Variants in CCDC150 observed in about 807,000 individuals in gnomAD.
CCDC150 encodes coiled-coil domain-containing protein 150.
A neutral mutation model predicts 156.5 loss-of-function variants in CCDC150; 151 were observed. The observed-to-expected ratio is 0.97, with a 90% CI of 0.85 to 1.10. CCDC150 has a LOEUF of 1.10. CCDC150 is among the 50% of genes least tolerant of loss of function. The pLI, the probability that CCDC150 is intolerant of heterozygous loss-of-function variation, is 0.00. For synonymous variants in CCDC150, 452 were observed against 429.4 expected, an observed-to-expected ratio of 1.05 and a Z score of -0.65; for missense variants, 1,312 against 1,268.1, an observed-to-expected ratio of 1.03 and a Z score of -0.53.
chr2:196,645,302 G>A (rs1252434155), intron 1 of CCDC150, among the ~76,000 whole-genome samples: 2 of 152,042 alleles, frequency 1.3e-5, no homozygotes, highest in Non-Finnish European at 2.9e-5. Flanking sequence ...TCTTGCCCTG[G>A]GTCCCAGGAC....
rs1382583495 is a variant in CCDC150, at chr2:196,666,773, C to G, written c.817C>G (p.Gln273Glu). The change falls in exon 7 of 28, where the codon CAA becomes GAA. Residue 273 changes from glutamine (Q) to glutamate (E), a missense_variant. Physicochemically the swap from Gln to Glu is conservative, Grantham distance 29. Coordinates refer to ENST00000389175, the MANE Select transcript of CCDC150 (RefSeq NM_001080539.2). Reference sequence around the variant, plus strand: ...TCTACGTGATTCTATACAGAGCGCTCAAGAACTACTGGCCCAGGAACAAAA... The same window carrying G: ...TCTACGTGATTCTATACAGAGCGCTGAAGAACTACTGGCCCAGGAACAAAA... ...IALRDSIQSAQELLAQEQKKK... is the reference protein window; with the variant it reads ...IALRDSIQSAEELLAQEQKKK... 1.2e-6 allele frequency: 2 copies of G among 1,612,508 alleles called. No homozygotes were observed. The highest frequency in any genetic ancestry group is 1.1e-5 in the South Asian group (1 of 91,006).
chr2:196,665,811 A>G (rs1693811584), intron 6 of CCDC150, 128 bp downstream of exon 6: 1 of 533,536 alleles, frequency 1.9e-6, no homozygotes, highest in Non-Finnish European at 3.3e-6. Context: ...TTTGTTAGCA[A>G]TATGTTAACA....
chr2:196,659,900 A>G (rs1464801413), intron 5 of CCDC150, among the ~76,000 whole-genome samples: 1 of 152,192 alleles, frequency 6.6e-6, no homozygotes, highest in African/African-American at 2.4e-5. Flanking sequence ...ACAAATGCAT[A>G]ATGCCATGTA....
intron 6 of CCDC150, 77 bp from the exon 7 acceptor site, chr2:196,666,642 C>T (rs1693855536): frequency 4.9e-6 from 6 of 1,227,472 alleles, no homozygotes; most frequent in African/African-American, 1.5e-5. Flanking sequence ...TGGAATGTTG[C>T]CTTATACATG....
intron 6 of CCDC150, among the ~76,000 whole-genome samples, chr2:196,666,128 T>C (rs893254609): frequency 6.6e-6 from 1 of 152,168 alleles, no homozygotes; most frequent in African/African-American, 2.4e-5. Flanking sequence ...AGTAAAACAA[T>C]CAGGACTATA....
intron 15 of CCDC150, among the ~76,000 whole-genome samples, chr2:196,701,808 T>C (rs1696231063): frequency 6.6e-6 from 1 of 152,190 alleles, no homozygotes; most frequent in Admixed American, 6.5e-5. Flanking sequence ...ATAGAGGAAA[T>C]GATAAATGGA....
intron 26 of CCDC150, among the ~76,000 whole-genome samples, chr2:196,731,391 CTT>C (rs11314304): frequency 2.1e-3 from 286 of 133,254 alleles, no homozygotes; most frequent in East Asian, 3.7e-3. Context: ...TCAAATCATA[CTT>C]TTTTTTTTTT....
At chr2:196,710,286 G>C (rs1316032895) in intron 15 of CCDC150, among the ~76,000 whole-genome samples, 1 of 152,260 alleles carries the variant, frequency 6.6e-6, no homozygotes, top group Non-Finnish European at 1.5e-5. Flanking sequence ...AAGGCTCCGT[G>C]GGCATAGGAC....
At chr2:196,715,029 C>T (rs757087262) in intron 17 of CCDC150, among the ~76,000 whole-genome samples, 27 of 152,046 alleles carry the variant, frequency 1.8e-4, no homozygotes, top group Non-Finnish European at 3.7e-4. Flanking sequence ...GAAAAGACAT[C>T]CTCCTTTGTT....
chr2:196,667,305 A>G (rs970248574), intron 7 of CCDC150: 5 of 188,404 alleles, frequency 2.7e-5, no homozygotes, highest in African/African-American at 7.1e-5. Context: ...AGAGATGGAT[A>G]GTTGTAAGGT....
At chr2:196,701,408 A>G (rs1696197331) in intron 15 of CCDC150, among the ~76,000 whole-genome samples, 1 of 152,212 alleles carries the variant, frequency 6.6e-6, no homozygotes, top group Non-Finnish European at 1.5e-5. Context: ...TGACTATTTG[A>G]AACTTTATTA....
At chr2:196,712,411 A>G (rs192306629) in intron 16 of CCDC150, 159 bp downstream of exon 16, 3 of 570,250 alleles carry the variant, frequency 5.3e-6, no homozygotes, top group Non-Finnish European at 9.4e-6. Context: ...TAGTACATAC[A>G]AGGTTCTGCT....
In CCDC150 at chr2:196,665,642, A is replaced by T. The variant is rs763513580; in HGVS notation, c.721A>T (p.Ile241Leu). The change falls in exon 6 of 28, where the codon ATA becomes TTA. Residue 241 changes from isoleucine to leucine, a missense_variant. Ile to Leu is a conservative substitution (Grantham distance 5). Transcript: ENST00000389175. Reference sequence around the variant, plus strand: ...ATCAGCATCAGCCATGCTCCTCAAAATACAAGAAATGGGATCAACAGTGGA... The same window carrying T: ...ATCAGCATCAGCCATGCTCCTCAAATTACAAGAAATGGGATCAACAGTGGA... ...EKSASAMLLK[I>L]QEMGSTVEVE... is the part of the protein sequence containing the mutation. The T allele has an allele frequency of 3.1e-6, 5 of 1,603,380 alleles. No homozygotes were observed. In the South Asian group the frequency reaches 5.7e-5, roughly 18 times the overall value.
At chr2:196,713,201 G>A in intron 17 of CCDC150, 2 of 1,139,158 alleles carry the variant, frequency 1.8e-6, no homozygotes, top group Non-Finnish European at 2.3e-6. Flanking sequence ...TTTACAGTGT[G>A]ATCTCTTCAC....
intron 16 of CCDC150, 116 bp from the exon 17 acceptor site, chr2:196,712,561 C>T: frequency 1.5e-6 from 1 of 666,634 alleles, no homozygotes; most frequent in Admixed American, 2.8e-5. Flanking sequence ...TATTACTGAA[C>T]ATTCATAGGG....
At chr2:196,694,346 G>A (rs1472916736) in intron 13 of CCDC150, among the ~76,000 whole-genome samples, 2 of 152,082 alleles carry the variant, frequency 1.3e-5, no homozygotes, top group African/African-American at 4.8e-5. Context: ...GTGAGCCACC[G>A]CTCCTGGCTG....
intron 13 of CCDC150, among the ~76,000 whole-genome samples, chr2:196,682,072 A>AT (rs1559238773): frequency 6.6e-6 from 1 of 151,890 alleles, no homozygotes; most frequent in Non-Finnish European, 1.5e-5. Flanking sequence ...ATATTTTAAA[A>AT]TTTTTTTAAT....
intron 7 of CCDC150, 84 bp from the exon 8 acceptor site, chr2:196,669,749 C>A: frequency 1.1e-6 from 1 of 905,468 alleles, no homozygotes; most frequent in Non-Finnish European, 1.8e-6. Context: ...AAAAAATAGA[C>A]ATAAAATATT....
chr2:196,653,024 C>A (rs1692974179), intron 2 of CCDC150, among the ~76,000 whole-genome samples: 1 of 152,200 alleles, frequency 6.6e-6, no homozygotes, highest in Admixed American at 6.5e-5. Context: ...GGTGGTGACA[C>A]CAAGTCCCCA....
Sources: allele counts gnomAD v4.1 joint callset (sites outside exome capture counted in the v4.1 genomes callset), GRCh38; gene constraint gnomAD v4.1.1; transcripts MANE v1.5; gene names NCBI Gene and HGNC (gene_info 2026-07-23, HGNC 2026-07-21).